Variants in MRTFA observed in about 807,000 individuals in gnomAD.
The protein encoded by MRTFA is myocardin related transcription factor A.
MRTFA carries 20 observed loss-of-function variants against 83.5 expected under a neutral mutation model. That is an observed-to-expected ratio of 0.24 (90% CI 0.17 to 0.35). The LOEUF (loss-of-function observed/expected upper bound fraction) is 0.35. Ranked by LOEUF, MRTFA falls within the 10% of genes least tolerant of loss-of-function variation. The pLI, the probability that MRTFA is intolerant of heterozygous loss-of-function variation, is 1.00. For synonymous variants in MRTFA, 659 were observed against 541.2 expected, an observed-to-expected ratio of 1.22 and a Z score of -3.02; for missense variants, 1,200 against 1,224.7, an observed-to-expected ratio of 0.98 and a Z score of 0.30.
chr22:40,596,833 G>C (rs1028261361), intron 1 of MRTFA, among the ~76,000 whole-genome samples: 1 of 151,848 alleles, frequency 6.6e-6, no homozygotes, highest in African/African-American at 2.4e-5. Context: ...AAAATAGCTC[G>C]GAGTGGTGGT....
intron 3 of MRTFA, among the ~76,000 whole-genome samples, chr22:40,480,776 A>G (rs1457080540): frequency 5.0e-5 from 7 of 139,200 alleles, no homozygotes; most frequent in African/African-American, 8.3e-5. Flanking sequence ...TTGAGACAGA[A>G]TCTTGCTCTG....
intron 1 of MRTFA, among the ~76,000 whole-genome samples, chr22:40,610,888 T>G (rs2056379166): frequency 6.6e-6 from 1 of 151,464 alleles, no homozygotes; most frequent in Admixed American, 6.6e-5. Flanking sequence ...AATTTGAGAT[T>G]GGATGATTCA....
rs57603934 is a variant in MRTFA at position 40,561,057 on chromosome 22, C to T, written c.-21-8690G>A. On this transcript the variant is annotated intron_variant, in intron 2 of 14. Coordinates refer to ENST00000355630, the MANE Select transcript of MRTFA (RefSeq NM_020831.6). ...AAACTGTTTTCAATCAATTAATGAACTTTCTTTTAGCTGGACATATTTTTA... is the reference window on the plus strand; with the variant it reads ...AAACTGTTTTCAATCAATTAATGAATTTTCTTTTAGCTGGACATATTTTTA... 5.8e-3 allele frequency among the ~76,000 whole-genome samples: 886 copies of T among 151,704 alleles called. 9 individuals carry two copies. Among genetic ancestry groups the T allele is most frequent in the African/African-American group, 0.021 (862 of 41,322 alleles).
intron 5 of MRTFA, among the ~76,000 whole-genome samples, chr22:40,431,687 C>A (rs1346419821): frequency 6.6e-6 from 1 of 152,100 alleles, no homozygotes; most frequent in African/African-American, 2.4e-5. Flanking sequence ...AGGAAGGGCA[C>A]CATCCTTCAA....
At chr22:40,480,717 G>A (rs1026672779) in intron 3 of MRTFA, among the ~76,000 whole-genome samples, 1 of 151,644 alleles carries the variant, frequency 6.6e-6, no homozygotes, top group South Asian at 2.1e-4. Flanking sequence ...GGCCAAGGTG[G>A]GAGGATCACG....
chr22:40,419,142 C>T lies in MRTFA; in HGVS notation c.1596G>A (p.Val532=), dbSNP rs1214075950. 3.8e-6 allele frequency: 6 copies of T among 1,586,678 alleles called. No individual in the cohort carries two copies. The highest frequency in any genetic ancestry group is 2.7e-5 in the African/African-American group (2 of 73,978). Residue 532 remains valine, a synonymous_variant, in exon 12 of 15, where the codon GTG becomes GTA. Coordinates refer to ENST00000355630, the MANE Select transcript of MRTFA (RefSeq NM_020831.6). Reference sequence around the variant, plus strand: ...CCCCACTGCTGGCCACCGTGGCCACCACCACCTCAGCTGGAGCCAGGCCTG... The same window carrying T: ...CCCCACTGCTGGCCACCGTGGCCACTACCACCTCAGCTGGAGCCAGGCCTG...
At chr22:40,448,043 G>A (rs1410951669) in intron 4 of MRTFA, among the ~76,000 whole-genome samples, 2 of 152,200 alleles carry the variant, frequency 1.3e-5, no homozygotes, top group African/African-American at 2.4e-5. Flanking sequence ...TGGGCGTGGT[G>A]GCTCACGCCT....
chr22:40,574,380 T>A (rs2055838913), intron 2 of MRTFA, among the ~76,000 whole-genome samples: 2 of 151,980 alleles, frequency 1.3e-5, no homozygotes, highest in Admixed American at 6.6e-5. Flanking sequence ...TTACCATTAT[T>A]CCCCAAACAA....
At position 40,540,281 on chromosome 22, in the gene MRTFA, T is replaced by A. The variant is rs1387682728; in HGVS notation, c.241+11825A>T. 2.2e-4 allele frequency among the ~76,000 whole-genome samples: 34 copies of A among 152,196 alleles called. 1 individual carries two copies. The highest frequency in any genetic ancestry group is 5.0e-4 in the Non-Finnish European group (34 of 68,044). On this transcript the variant is annotated intron_variant, in intron 3 of 14. Coordinates refer to ENST00000355630, the MANE Select transcript of MRTFA (RefSeq NM_020831.6). ...TACTTGAGCACTGTGCTCCTCCTCT[T>A]CGGCCTTGTTTCTACTAAAAACCAT...
intron 1 of MRTFA, among the ~76,000 whole-genome samples, chr22:40,618,993 AT>A (rs893738392): frequency 6.8e-6 from 1 of 146,366 alleles, no homozygotes; most frequent in Non-Finnish European, 1.5e-5. Flanking sequence ...ATAATTAAAA[AT>A]ATATATATAT....
chr22:40,575,868 T>G (rs1449823214), intron 2 of MRTFA, among the ~76,000 whole-genome samples: 1 of 152,130 alleles, frequency 6.6e-6, no homozygotes, highest in Non-Finnish European at 1.5e-5. Context: ...AAGTTAACTG[T>G]GAGGACTGAG....
Position 40,419,392 on chromosome 22 carries a change from G to A in MRTFA, c.1354-8C>T. The A allele has an allele frequency of 6.2e-7, 1 of 1,612,394 alleles. No homozygotes were observed. Among genetic ancestry groups the A allele is most frequent in the Non-Finnish European group, 8.5e-7 (1 of 1,179,812 alleles). Reference sequence around the variant, plus strand: ...CTGCTTCAGCTCTGCCACCTGCAAGGCAGTCAAGAGTCAGGGAGGCCAGGG... The same window carrying A: ...CTGCTTCAGCTCTGCCACCTGCAAGACAGTCAAGAGTCAGGGAGGCCAGGG... On this transcript the variant is annotated splice_region_variant and splice_polypyrimidine_tract_variant and intron_variant, in intron 11 of 14. Coordinates refer to ENST00000355630, the MANE Select transcript of MRTFA (RefSeq NM_020831.6).
At chr22:40,422,775 G>A (rs2052868591) in intron 9 of MRTFA, among the ~76,000 whole-genome samples, 1 of 152,256 alleles carries the variant, frequency 6.6e-6, no homozygotes, top group African/African-American at 2.4e-5. Flanking sequence ...ACAAGCACCA[G>A]ACAGCCCAGG....
intron 3 of MRTFA, among the ~76,000 whole-genome samples, chr22:40,512,330 A>G (rs1329108543): frequency 6.6e-6 from 1 of 152,240 alleles, no homozygotes; most frequent in East Asian, 1.9e-4. Flanking sequence ...ATAACCACAC[A>G]TGGGTCCCAA....
At chr22:40,486,054 C>T (rs2054170054) in intron 3 of MRTFA, among the ~76,000 whole-genome samples, 1 of 152,166 alleles carries the variant, frequency 6.6e-6, no homozygotes, top group South Asian at 2.1e-4. Context: ...TCAGCACATA[C>T]CTGAATGCCC....
chr22:40,428,661 G>A (rs942610421), intron 7 of MRTFA, among the ~76,000 whole-genome samples: 4 of 152,166 alleles, frequency 2.6e-5, no homozygotes, highest in African/African-American at 9.7e-5. Flanking sequence ...TTACAGGTGT[G>A]TGTTACCACA....
chr22:40,430,810 A>G (rs2053052498), intron 6 of MRTFA, among the ~76,000 whole-genome samples: 2 of 144,952 alleles, frequency 1.4e-5, no homozygotes, highest in South Asian at 4.6e-4. Flanking sequence ...GCAGTGAGCC[A>G]TGATCACACT....
At chr22:40,500,465 A>T (rs2054446692) in intron 3 of MRTFA, among the ~76,000 whole-genome samples, 1 of 145,550 alleles carries the variant, frequency 6.9e-6, no homozygotes, top group Non-Finnish European at 1.5e-5. Context: ...GGGTCATGGG[A>T]CAATAGTGGA....
chr22:40,520,413 A>T (rs1434228922), intron 3 of MRTFA, among the ~76,000 whole-genome samples: 5 of 147,260 alleles, frequency 3.4e-5, no homozygotes, highest in Middle Eastern at 3.5e-3. Flanking sequence ...AAGGTTCATC[A>T]TTTTTTTTTT....
Sources: allele counts gnomAD v4.1 joint callset (sites outside exome capture counted in the v4.1 genomes callset), GRCh38; gene constraint gnomAD v4.1.1; transcripts MANE v1.5; gene names NCBI Gene and HGNC (gene_info 2026-07-23, HGNC 2026-07-21).